The following ARHGAP20 variants were observed in gnomAD, a reference collection of about 807,000 sequenced individuals.
ARHGAP20 encodes Rho GTPase activating protein 20, also known as rho GTPase-activating protein 20.
Under a neutral mutation model 73.7 loss-of-function variants are expected in ARHGAP20, and 34 were observed. That is an observed-to-expected ratio of 0.46 (90% CI 0.35 to 0.61). ARHGAP20 has a LOEUF of 0.61. Ranked by LOEUF, ARHGAP20 falls within the 20% of genes least tolerant of loss-of-function variation. The pLI is 0.00. For missense variants in ARHGAP20, 1,314 were observed against 1,420.9 expected (o/e 0.92, Z 1.21); for synonymous variants, 523 against 518.2 (o/e 1.01, Z -0.13).
chr11:110,694,543 A>C (rs528686713), intron 1 of ARHGAP20, among the ~76,000 whole-genome samples: 42 of 151,866 alleles, frequency 2.8e-4, no homozygotes, highest in African/African-American at 1.0e-3. Flanking sequence ...ATAACACAAA[A>C]CTGCAGCAAC....
intron 9 of ARHGAP20, among the ~76,000 whole-genome samples, chr11:110,593,009 A>G (rs1947866684): frequency 6.6e-6 from 1 of 152,188 alleles, no homozygotes; most frequent in African/African-American, 2.4e-5. Flanking sequence ...TACTAAAAGC[A>G]TTCAGAGGAA....
chr11:110,600,900 C>T (rs1247449820), intron 9 of ARHGAP20, among the ~76,000 whole-genome samples: 1 of 152,112 alleles, frequency 6.6e-6, no homozygotes, highest in African/African-American at 2.4e-5. Flanking sequence ...CAGTGTAAGG[C>T]TATTTACTAG....
At chr11:110,708,525 A>C (rs1950590432) in intron 1 of ARHGAP20, among the ~76,000 whole-genome samples, 1 of 152,216 alleles carries the variant, frequency 6.6e-6, no homozygotes, top group African/African-American at 2.4e-5. Flanking sequence ...ATTGTAGTCT[A>C]GTCACATGAT....
At chr11:110,675,679 C>T (rs1949916036) in intron 2 of ARHGAP20, among the ~76,000 whole-genome samples, 1 of 152,140 alleles carries the variant, frequency 6.6e-6, no homozygotes, top group South Asian at 2.1e-4. Flanking sequence ...CACTCACCTC[C>T]TGCTGTGCTG....
intron 12 of ARHGAP20, 71 bp downstream of exon 12, chr11:110,586,145 T>C: frequency 1.2e-6 from 1 of 803,404 alleles, no homozygotes; most frequent in Non-Finnish European, 1.8e-6. Context: ...ATAGCTGTCA[T>C]TATTTTAATA....
intron 2 of ARHGAP20, among the ~76,000 whole-genome samples, chr11:110,655,485 AGGGTT>A (rs1949445632): frequency 1.3e-5 from 2 of 152,206 alleles, no homozygotes; most frequent in South Asian, 4.1e-4. Flanking sequence ...CGCAATGCCA[AGGGTT>A]TTTGTCTGTC....
intron 3 of ARHGAP20, among the ~76,000 whole-genome samples, chr11:110,626,762 C>A (rs1021752583): frequency 6.6e-6 from 1 of 151,748 alleles, no homozygotes. Flanking sequence ...TCCAGAGCTA[C>A]AAGGCTTTCT....
At chr11:110,650,473 T>C (rs1949325028) in intron 2 of ARHGAP20, among the ~76,000 whole-genome samples, 1 of 152,070 alleles carries the variant, frequency 6.6e-6, no homozygotes, top group Non-Finnish European at 1.5e-5. Context: ...ATCACCACAG[T>C]TCCAGTAACC....
In ARHGAP20 at chr11:110,658,742, A is replaced by T. The variant is rs75573555; in HGVS notation, c.189-27950T>A. On this transcript the variant is annotated intron_variant, in intron 2 of 14. Transcript: ENST00000683387. ...TGCACCGAGAACTGAGGTTTAATCC[A>T]TTCCTCCAGCATCCAAGTACTCAGG... 8.7e-3 allele frequency among the ~76,000 whole-genome samples: 1,319 copies of T among 152,066 alleles called. 25 individuals carry two copies. The highest frequency in any genetic ancestry group is 0.03 in the African/African-American group (1,241 of 41,470).
intron 11 of ARHGAP20, 50 bp from the exon 12 acceptor site, chr11:110,586,375 A>G: frequency 8.5e-7 from 1 of 1,176,516 alleles, no homozygotes; most frequent in South Asian, 1.6e-5. Flanking sequence ...CTCATGCCAA[A>G]TATGTATTAG....
intron 2 of ARHGAP20, among the ~76,000 whole-genome samples, chr11:110,689,770 A>C (rs1950207186): frequency 6.6e-6 from 1 of 152,026 alleles, no homozygotes; most frequent in Non-Finnish European, 1.5e-5. Flanking sequence ...ATAGACAGAA[A>C]ACACCTGAAT....
At chr11:110,687,453 G>T (rs1173896854) in intron 2 of ARHGAP20, among the ~76,000 whole-genome samples, 2 of 152,152 alleles carry the variant, frequency 1.3e-5, no homozygotes, top group Admixed American at 1.3e-4. Flanking sequence ...AATTCTTGAA[G>T]AAGTGATAGG....
chr11:110,583,507 G>T, intron 13 of ARHGAP20, 41 bp downstream of exon 13: 2 of 1,463,418 alleles, frequency 1.4e-6, no homozygotes, highest in South Asian at 1.4e-5. Context: ...TCAAAACGGG[G>T]ACTCAGTCTC....
At chr11:110,598,225 C>G (rs1323283379) in intron 9 of ARHGAP20, among the ~76,000 whole-genome samples, 1 of 143,638 alleles carries the variant, frequency 7.0e-6, no homozygotes, top group African/African-American at 2.6e-5. Flanking sequence ...ACAGGGTAAA[C>G]AGAAAAAAAG....
At position 110,657,629 on chromosome 11, in the gene ARHGAP20, T is replaced by C. The variant is rs568580306; in HGVS notation, c.189-26837A>G. On this transcript the variant is annotated intron_variant, in intron 2 of 14. Coordinates refer to ENST00000683387, the MANE Select transcript of ARHGAP20 (RefSeq NM_001384657.1). Reference sequence around the variant, plus strand: ...CTAGGGCTGGCTGTGCACAGTGGCTTATGCCTGTAAATCCTAGCACTTTGG... The same window carrying C: ...CTAGGGCTGGCTGTGCACAGTGGCTCATGCCTGTAAATCCTAGCACTTTGG... 1.9e-3 allele frequency among the ~76,000 whole-genome samples: 295 copies of C among 152,188 alleles called. 4 individuals are homozygous for C. The highest frequency in any genetic ancestry group is 6.7e-3 in the African/African-American group (280 of 41,534).
chr11:110,606,746 T>C lies in ARHGAP20; in HGVS notation c.779A>G (p.His260Arg), dbSNP rs776866684. 1 of 1,540,552 alleles carries C rather than the reference T, an allele frequency of 6.5e-7. No individual in the cohort carries two copies. Among genetic ancestry groups the C allele is most frequent in the South Asian group, 1.2e-5 (1 of 80,142 alleles). ...CATTTTAATTCCATATGGATATTCA[T>C]GCCCTACACAGAGACAAATCTAAAT... ...KEEAPYPLIG[H>R]EYPYGIKMSH... is the part of the protein sequence containing the mutation. Residue 260 changes from histidine (H) to arginine (R), a missense_variant, in exon 9 of 15, where the codon CAT becomes CGT. Transcript: ENST00000683387.
intron 3 of ARHGAP20, among the ~76,000 whole-genome samples, chr11:110,625,993 G>A (rs1284634406): frequency 6.6e-6 from 1 of 152,156 alleles, no homozygotes; most frequent in East Asian, 1.9e-4. Flanking sequence ...TAGATTCAAA[G>A]CCTCATTTAT....
At chr11:110,700,612 A>C (rs1181985663) in intron 1 of ARHGAP20, among the ~76,000 whole-genome samples, 1 of 150,632 alleles carries the variant, frequency 6.6e-6, no homozygotes, top group Non-Finnish European at 1.5e-5. Context: ...ATTATACTTT[A>C]AGTTTTAGGG....
In ARHGAP20 at chr11:110,579,302, C is replaced by T. The variant is rs1320505013; in HGVS notation, c.*68G>A. On this transcript the variant is annotated 3_prime_UTR_variant, in exon 15 of 15. Transcript: ENST00000683387. Reference sequence around the variant, plus strand: ...TCCCAGGTATCTTATACAAAGGGGTCATAATAATTATTGTCTATTATTATT... The same window carrying T: ...TCCCAGGTATCTTATACAAAGGGGTTATAATAATTATTGTCTATTATTATT... 20 of 1,494,914 alleles carry T rather than the reference C, an allele frequency of 1.3e-5. No homozygotes were observed. The highest frequency in any genetic ancestry group is 1.8e-5 in the Non-Finnish European group (20 of 1,121,158). 92.6% of individuals were successfully genotyped at this position (1,494,914 alleles called of 1,614,324 possible).
Sources: gnomAD v4.1 joint callset for allele counts (sites outside exome capture counted in the v4.1 genomes callset) on GRCh38, gnomAD v4.1.1 for gene constraint, MANE v1.5 for transcripts, NCBI Gene and HGNC (gene_info 2026-07-23, HGNC 2026-07-21) for gene names.